Variants in SPON1 observed in about 807,000 individuals in gnomAD.
SPON1 encodes spondin-1.
In SPON1, 52 loss-of-function variants were observed where a neutral mutation model predicts 111.7. The ratio of observed to expected loss-of-function variants is 0.47; its 90% CI spans 0.37 to 0.59. The LOEUF (loss-of-function observed/expected upper bound fraction) is 0.59, where lower values mean the gene tolerates loss of function less well. SPON1 is among the 20% of genes least tolerant of loss of function. The probability of loss-of-function intolerance (pLI) is 0.00; values close to 1 mark genes in which losing one functional copy is unlikely to be tolerated. For synonymous variants in SPON1, 410 were observed against 395.8 expected (o/e 1.04, Z -0.43); for missense variants, 957 against 1,068.5 (o/e 0.90, Z 1.46).
chr11:14,265,678 T>C lies in SPON1; in HGVS notation c.2415T>C (p.His805=). The C allele has an allele frequency of 1.9e-6, 3 of 1,613,472 alleles. No individual in the cohort carries two copies. The highest frequency in any genetic ancestry group is 1.1e-5 in the South Asian group (1 of 90,860). Residue 805 remains histidine (H), a synonymous_variant, in exon 16 of 16, where the codon CAT becomes CAC. Transcript: ENST00000576479. Reference sequence around the variant, plus strand: ...AGGAGATCAGAGCATGCAATGTTCATCCTTGTTAGCAAGGGTACGAGTTCC... The same window carrying C: ...AGGAGATCAGAGCATGCAATGTTCACCCTTGTTAGCAAGGGTACGAGTTCC... ...DKKEIRACNV[H]PC is the part of the protein sequence containing the mutation.
intron 6 of SPON1, among the ~76,000 whole-genome samples, chr11:14,235,678 CAAAAAAAAAAAAAAAAAA>C: frequency 1.4e-5 from 1 of 71,390 alleles, no homozygotes; most frequent in Admixed American, 2.0e-4. Context: ...GACCCTGCCT[CAAAAAAAAAAAAAAAAAA>C]AAAAAAAAAA....
intron 6 of SPON1, among the ~76,000 whole-genome samples, chr11:14,212,294 G>T (rs1848584972): frequency 6.6e-6 from 1 of 151,832 alleles, no homozygotes; most frequent in East Asian, 1.9e-4. Flanking sequence ...GCTTTTTGGG[G>T]ATATTCTGAA....
intron 1 of SPON1, among the ~76,000 whole-genome samples, chr11:13,968,737 G>A (rs182292575): frequency 6.6e-6 from 1 of 152,284 alleles, no homozygotes; most frequent in Admixed American, 6.5e-5. Flanking sequence ...GGACTGGGGG[G>A]AGAGGAAGTA....
chr11:14,202,082 A>T (rs1848470641), intron 6 of SPON1, among the ~76,000 whole-genome samples: 1 of 152,226 alleles, frequency 6.6e-6, no homozygotes, highest in African/African-American at 2.4e-5. Flanking sequence ...GCAAGATTAG[A>T]TTCTAATGTG....
At chr11:13,998,049 A>T (rs1554912014) in intron 2 of SPON1, among the ~76,000 whole-genome samples, 1 of 152,232 alleles carries the variant, frequency 6.6e-6, no homozygotes, top group Non-Finnish European at 1.5e-5. Flanking sequence ...GCTGGGTGCC[A>T]TGCTGAACAC....
At chr11:14,238,142 T>TA (rs1201931198) in intron 6 of SPON1, among the ~76,000 whole-genome samples, 3 of 152,358 alleles carry the variant, frequency 2.0e-5, no homozygotes, top group African/African-American at 4.8e-5. Flanking sequence ...GCTTAGCACA[T>TA]AAAAAATAAA....
rs1427544040 is a variant in SPON1 at position 14,228,180 on chromosome 11, G to A, written c.826-15152G>A. ...CGTAGCCTGGGTCCTTCCGAGTTTG[G>A]TATGCATACACCAGGGCCCTTTGGG... On this transcript the variant is annotated intron_variant, in intron 6 of 15. Coordinates refer to ENST00000576479, the MANE Select transcript of SPON1 (RefSeq NM_006108.4). This position sits in a 1 kb window ranked among gnomAD's most constrained non-coding sequence, Gnocchi z 4.2. Among the ~76,000 whole-genome samples the A allele has an allele frequency of 6.6e-6, 1 of 152,168 alleles. No homozygotes were observed. Among genetic ancestry groups the A allele is most frequent in the Non-Finnish European group, 1.5e-5 (1 of 68,030 alleles).
chr11:14,023,989 G>A (rs906001356), intron 2 of SPON1, among the ~76,000 whole-genome samples: 28 of 136,484 alleles, frequency 2.1e-4, no homozygotes, highest in African/African-American at 5.4e-4. Flanking sequence ...GTGACAGTGC[G>A]AGACTCCATC....
chr11:14,124,352 T>G (rs1296588858), intron 5 of SPON1, among the ~76,000 whole-genome samples: 1 of 152,226 alleles, frequency 6.6e-6, no homozygotes, highest in Admixed American at 6.5e-5. Flanking sequence ...CCTTCAGAAT[T>G]TAGCTCACCT....
chr11:14,166,605 G>A (rs781967793), intron 6 of SPON1, among the ~76,000 whole-genome samples: 1 of 152,270 alleles, frequency 6.6e-6, no homozygotes, highest in Non-Finnish European at 1.5e-5. Flanking sequence ...CAAAATGTCT[G>A]TGGATGACAA....
chr11:13,982,816 A>T (rs781856934), intron 1 of SPON1, 31 bp from the exon 2 acceptor site: 7 of 1,421,132 alleles, frequency 4.9e-6, no homozygotes, highest in South Asian at 4.9e-5. Context: ...TGATTCTTAT[A>T]CTTAAAACCT....
At chr11:14,109,044 T>G (rs931909333) in intron 5 of SPON1, among the ~76,000 whole-genome samples, 4 of 152,324 alleles carry the variant, frequency 2.6e-5, no homozygotes, top group African/African-American at 9.6e-5. Flanking sequence ...TAGTCCAGTC[T>G]TACATGGTCT....
intron 4 of SPON1, among the ~76,000 whole-genome samples, chr11:14,076,416 G>A (rs976449467): frequency 1.3e-5 from 2 of 152,112 alleles, no homozygotes; most frequent in African/African-American, 2.4e-5. Context: ...ATAATAATAG[G>A]TAATATGTTT....
In SPON1 at chr11:14,190,997, ATCCC is replaced by A. The variant is rs1564927659; in HGVS notation, c.826-52334_826-52331del. Among the ~76,000 whole-genome samples, 210 of 152,092 alleles carry A rather than the reference ATCCC, an allele frequency of 1.4e-3. 2 individuals are homozygous for A. Among genetic ancestry groups the A allele is most frequent in the African/African-American group, 4.5e-3 (187 of 41,408 alleles). On this transcript the variant is annotated intron_variant, in intron 6 of 15. Transcript: ENST00000576479. Reference sequence around the variant, plus strand: ...AACAAAAAAGAAAAAAGCACTTACAATCCCATCACTTGGTATATAAAGAATAAAA... The same window carrying A: ...AACAAAAAAGAAAAAAGCACTTACAAATCACTTGGTATATAAAGAATAAAA...
intron 6 of SPON1, among the ~76,000 whole-genome samples, chr11:14,233,444 C>G (rs1465956966): frequency 1.3e-5 from 2 of 152,186 alleles, no homozygotes; most frequent in African/African-American, 2.4e-5. Context: ...TCATACCACT[C>G]TTCTGCTCAC....
intron 6 of SPON1, among the ~76,000 whole-genome samples, chr11:14,213,044 G>A (rs377029043): frequency 1.3e-5 from 2 of 152,212 alleles, no homozygotes; most frequent in African/African-American, 2.4e-5. Flanking sequence ...GCTTCTGAGA[G>A]TGGGAAATTG....
chr11:14,140,752 A>G (rs1237209386), intron 6 of SPON1, among the ~76,000 whole-genome samples: 1 of 151,590 alleles, frequency 6.6e-6, no homozygotes, highest in Non-Finnish European at 1.5e-5. Flanking sequence ...GGTTCAAGTG[A>G]TGGTGTCTTT....
intron 7 of SPON1, among the ~76,000 whole-genome samples, chr11:14,253,870 G>A (rs993663531): frequency 4.6e-5 from 7 of 152,214 alleles, no homozygotes; most frequent in East Asian, 1.9e-4. Context: ...TGTGCTTTGC[G>A]AATGTGACTC....
rs1847586421 is a variant in SPON1 at position 14,135,948 on chromosome 11, A to G, written c.825+380A>G. Among the ~76,000 whole-genome samples the G allele has an allele frequency of 1.3e-5, 2 of 152,240 alleles. No individual in the cohort carries two copies. Among genetic ancestry groups the G allele is most frequent in the South Asian group, 4.1e-4 (2 of 4,824 alleles). ...GCCAAATCCCCAAAATAAATGTTTGAGTATTGGCACGTGCTTTTTGCAACT... is the reference window on the plus strand; with the variant it reads ...GCCAAATCCCCAAAATAAATGTTTGGGTATTGGCACGTGCTTTTTGCAACT... On this transcript the variant is annotated intron_variant, in intron 6 of 15. Transcript: ENST00000576479. The surrounding 1 kb of genome is among the most constrained non-coding windows in gnomAD (Gnocchi z 4.4).
Sources: gnomAD v4.1 joint callset for allele counts (sites outside exome capture counted in the v4.1 genomes callset) on GRCh38, gnomAD v4.1.1 for gene constraint, Gnocchi (gnomAD v3.1) non-coding constraint, MANE v1.5 for transcripts, NCBI Gene and HGNC (gene_info 2026-07-23, HGNC 2026-07-21) for gene names.